The following HCN3 variants were observed in gnomAD, a reference collection of about 807,000 sequenced individuals.
HCN3 encodes the protein hyperpolarization activated cyclic nucleotide gated potassium channel 3.
A neutral mutation model predicts 56.8 loss-of-function variants in HCN3; 36 were observed. That is an observed-to-expected ratio of 0.63 (90% CI 0.49 to 0.84). HCN3 has a LOEUF of 0.84. Among genes scored for constraint, HCN3 ranks in the 40% least tolerant of loss-of-function variants. The probability of loss-of-function intolerance (pLI) is 0.00; values close to 1 mark genes in which losing one functional copy is unlikely to be tolerated. For synonymous variants in HCN3, 425 were observed against 439.7 expected (o/e 0.97, Z 0.42); for missense variants, 930 against 1,079.3 (o/e 0.86, Z 1.94).
Position 155,285,698 on chromosome 1 carries a change from GC to G in HCN3, c.1237-24del. On this transcript the variant is annotated intron_variant, in intron 5 of 7. Transcript: ENST00000368358. The surrounding 1 kb of genome is among the most constrained non-coding windows in gnomAD (Gnocchi z 4.5). ...TCATCTCAGGTCAGGGGCACAGCCTGCCTGACAGGCCCCTCCCCTGTCCAGG... is the reference window on the plus strand; with the variant it reads ...TCATCTCAGGTCAGGGGCACAGCCTGCTGACAGGCCCCTCCCCTGTCCAGG... 1 of 1,612,608 alleles carries G rather than the reference GC, an allele frequency of 6.2e-7. No individual in the cohort carries two copies. The highest frequency in any genetic ancestry group is 1.3e-5 in the African/African-American group (1 of 75,038).
chr1:155,284,872 C>A lies in HCN3; in HGVS notation c.1089+115C>A. The A allele has an allele frequency of 9.9e-7, 1 of 1,011,868 alleles. No homozygotes were observed. Among genetic ancestry groups the A allele is most frequent in the Non-Finnish European group, 1.4e-6 (1 of 690,400 alleles). 62.7% of individuals were successfully genotyped at this position (1,011,868 alleles called of 1,614,324 possible). ...GTTGCGTCTCTGTTTCCTTTCCTGCCCTGTGTCCATTTGTTCCCTGCCCCT... is the reference window on the plus strand; with the variant it reads ...GTTGCGTCTCTGTTTCCTTTCCTGCACTGTGTCCATTTGTTCCCTGCCCCT... On this transcript the variant is annotated intron_variant, in intron 4 of 7. Coordinates refer to ENST00000368358, the MANE Select transcript of HCN3 (RefSeq NM_020897.3). The surrounding 1 kb of genome is among the most constrained non-coding windows in gnomAD (Gnocchi z 4.3).
rs974336772 is a variant in HCN3, at chr1:155,284,343, C to G, written c.871-196C>G. On this transcript the variant is annotated intron_variant, in intron 3 of 7. Transcript: ENST00000368358. The surrounding 1 kb of genome is among the most constrained non-coding windows in gnomAD (Gnocchi z 4.3). ...AGCAGGCAAAGGAAGGGTACCTACC[C>G]GGAAGCTGAGGCCCCCAAGTTGCAA... 5 of 838,982 alleles carry G rather than the reference C, an allele frequency of 6.0e-6. No homozygotes were observed. The South Asian group carries it at 9.1e-5, about 15-fold the overall frequency. The allele number at this position is 838,982 out of a possible 1,614,324, so 52.0% of individuals were successfully genotyped here.
chr1:155,286,129 T>C (rs1349438012), intron 6 of HCN3, among the ~76,000 whole-genome samples, 165 bp downstream of exon 6: 1 of 152,044 alleles, frequency 6.6e-6, no homozygotes, highest in Non-Finnish European at 1.5e-5. Flanking sequence ...TGGAGCTCTA[T>C]AGTTTTTGTT....
Position 155,287,203 on chromosome 1 carries a change from C to A in HCN3, c.1508C>A (p.Thr503Lys). The change falls in exon 7 of 8, where the codon ACA (threonine) becomes AAA (lysine). Residue 503 changes from threonine (T) to lysine (K), a missense_variant. Coordinates refer to ENST00000368358, the MANE Select transcript of HCN3 (RefSeq NM_020897.3). ...TGCCTGCTAACTAGGGGCCGGCGCA[C>A]AGCCAGTGTTCGGGCTGACACCTAC... ...EICLLTRGRR[T>K]ASVRADTYCR... The A allele has an allele frequency of 6.2e-7, 1 of 1,613,914 alleles. No individual in the cohort carries two copies. The highest frequency in any genetic ancestry group is 8.5e-7 in the Non-Finnish European group (1 of 1,179,966).
Position 155,277,755 on chromosome 1 carries a change from T to C in HCN3, c.165T>C (p.Pro55=). 1.9e-6 allele frequency: 3 copies of C among 1,607,090 alleles called. No individual in the cohort carries two copies. Among genetic ancestry groups the C allele is most frequent in the Non-Finnish European group, 2.5e-6 (3 of 1,177,178 alleles). ...KRRHLGTLLQ[P]TVNKFSLRVF... ...GGCACCTTGGGACGCTGCTCCAGCC[T>C]ACGGTCAACAAGTTCTCCCTTCGGG... Residue 55 remains proline, a synonymous_variant, in exon 1 of 8, where the codon CCT becomes CCC. Transcript: ENST00000368358.
chr1:155,285,382 T>G lies in HCN3; in HGVS notation c.1236+71T>G. On this transcript the variant is annotated intron_variant, in intron 5 of 7. Coordinates refer to ENST00000368358, the MANE Select transcript of HCN3 (RefSeq NM_020897.3). This position sits in a 1 kb window ranked among gnomAD's most constrained non-coding sequence, Gnocchi z 4.5. ...AGTGCTGTCTGGTGGTAGGGGCTAT[T>G]GGTCAGCAGGTGCTCCTATAGGGAA... 3.2e-6 allele frequency: 5 copies of G among 1,571,698 alleles called. No homozygotes were observed. The highest frequency in any genetic ancestry group is 4.3e-6 in the Non-Finnish European group (5 of 1,155,512).
Position 155,289,359 on chromosome 1 carries a change from A to T in HCN3, c.*896A>T, listed in dbSNP as rs2148192937. The T allele has an allele frequency of 6.6e-6, 1 of 152,234 alleles. No individual in the cohort carries two copies. The highest frequency in any genetic ancestry group is 1.9e-4 in the East Asian group (1 of 5,184). The allele number at this position is 152,234 out of a possible 1,614,324, so 9.4% of individuals were successfully genotyped here. On this transcript the variant is annotated 3_prime_UTR_variant, in exon 8 of 8. Transcript: ENST00000368358. Reference sequence around the variant, plus strand: ...TGTTACCAATTAATTTTGTTTACCCATTCCTTTATCCATCCCTCCCCTCCT... The same window carrying T: ...TGTTACCAATTAATTTTGTTTACCCTTTCCTTTATCCATCCCTCCCCTCCT...
At chr1:155,281,285 G>A (rs1331067308) in intron 1 of HCN3, among the ~76,000 whole-genome samples, 1 of 150,754 alleles carries the variant, frequency 6.6e-6, no homozygotes, top group East Asian at 2.0e-4. Context: ...TGGCCAGGAT[G>A]GTCTCGAGCT....
In HCN3 at chr1:155,285,101, C is replaced by G; in HGVS notation, c.1090-64C>G. The G allele has an allele frequency of 6.3e-7, 1 of 1,580,470 alleles. No individual in the cohort carries two copies. The highest frequency in any genetic ancestry group is 8.6e-7 in the Non-Finnish European group (1 of 1,158,484). On this transcript the variant is annotated intron_variant, in intron 4 of 7. Coordinates refer to ENST00000368358, the MANE Select transcript of HCN3 (RefSeq NM_020897.3). The surrounding 1 kb of genome is among the most constrained non-coding windows in gnomAD (Gnocchi z 4.5). ...TCTCTGACCTTCCGCACACACACCC[C>G]ACTGTGCCGGCCCCAAATCTCTCCC...
rs1319521104 is a variant in HCN3, at chr1:155,287,991, C to A, written c.1853C>A (p.Ser618Tyr). The A allele has an allele frequency of 6.2e-7, 1 of 1,613,952 alleles. No homozygotes were observed. The highest frequency in any genetic ancestry group is 2.2e-5 in the East Asian group (1 of 44,856). The part of the protein sequence containing the change: ...HAPLQAAAVT[S>Y]NVAIALTHQR... ...CCCCTTCAGGCAGCTGCTGTGACCT[C>A]CAATGTGGCCATTGCCCTGACTCAT... The change falls in exon 8 of 8, where the codon TCC (serine) becomes TAC (tyrosine). Residue 618 changes from serine (S) to tyrosine (Y), a missense_variant. Ser to Tyr is a moderately radical substitution (Grantham distance 144). Coordinates refer to ENST00000368358, the MANE Select transcript of HCN3 (RefSeq NM_020897.3).
intron 1 of HCN3, among the ~76,000 whole-genome samples, chr1:155,281,780 G>T (rs542213537): frequency 6.6e-6 from 1 of 152,082 alleles, no homozygotes; most frequent in Admixed American, 6.5e-5. Flanking sequence ...GATTACAGGC[G>T]TGAGCCATAG....
intron 6 of HCN3, among the ~76,000 whole-genome samples, chr1:155,286,628 C>T (rs978192938): frequency 7.9e-5 from 12 of 152,150 alleles, no homozygotes; most frequent in Non-Finnish European, 1.5e-4. Flanking sequence ...TGCCTGGTGG[C>T]GTGTTTCAGG....
chr1:155,279,914 G>A (rs1206623197), intron 1 of HCN3, among the ~76,000 whole-genome samples: 6 of 151,904 alleles, frequency 3.9e-5, no homozygotes, highest in African/African-American at 1.4e-4. Flanking sequence ...GTAGATGGAA[G>A]AGTAATTTTA....
At chr1:155,278,141 G>A (rs1651821364) in intron 1 of HCN3, among the ~76,000 whole-genome samples, 1 of 152,156 alleles carries the variant, frequency 6.6e-6, no homozygotes, top group African/African-American at 2.4e-5. Context: ...CCTCTTTCAG[G>A]AACCCGGGAC....
Position 155,285,844 on chromosome 1 carries a change from G to A in HCN3, c.1357G>A (p.Asp453Asn), listed in dbSNP as rs1674262158. ...GCGCTTTGAGGTCTTCCAGCCGGGG[G>A]ATCTCGTGGTGCGTGAGGGCTCCGT... Reference protein sequence around the residue: ...KLRFEVFQPGDLVVREGSVGR... With the variant: ...KLRFEVFQPGNLVVREGSVGR... The change falls in exon 6 of 8, where the codon GAT becomes AAT. Residue 453 changes from aspartate (D) to asparagine (N), a missense_variant. Transcript: ENST00000368358. This position sits in a 1 kb window ranked among gnomAD's most constrained non-coding sequence, Gnocchi z 4.5. The A allele has an allele frequency of 1.9e-6, 3 of 1,614,262 alleles. No homozygotes were observed. The highest frequency in any genetic ancestry group is 4.5e-5 in the East Asian group (2 of 44,888).
In HCN3 at chr1:155,285,071, C is replaced by A; in HGVS notation, c.1090-94C>A. ...CACGTTTCACCCCTTTGAGTTTGACCTGTGTCTCTGACCTTCCGCACACAC... is the reference window on the plus strand; with the variant it reads ...CACGTTTCACCCCTTTGAGTTTGACATGTGTCTCTGACCTTCCGCACACAC... On this transcript the variant is annotated intron_variant, in intron 4 of 7. Coordinates refer to ENST00000368358, the MANE Select transcript of HCN3 (RefSeq NM_020897.3). This position sits in a 1 kb window ranked among gnomAD's most constrained non-coding sequence, Gnocchi z 4.5. The A allele has an allele frequency of 6.9e-7, 1 of 1,446,090 alleles. No homozygotes were observed. The highest frequency in any genetic ancestry group is 9.5e-7 in the Non-Finnish European group (1 of 1,053,096). 89.6% of individuals were successfully genotyped at this position (1,446,090 alleles called of 1,614,324 possible).
intron 6 of HCN3, 78 bp from the exon 7 acceptor site, chr1:155,287,095 G>T: frequency 6.5e-7 from 1 of 1,526,976 alleles, no homozygotes; most frequent in South Asian, 1.2e-5. Context: ...TAGAAAGTTG[G>T]GTCCACTGCT....
chr1:155,285,397 C>T lies in HCN3; in HGVS notation c.1236+86C>T. On this transcript the variant is annotated intron_variant, in intron 5 of 7. Coordinates refer to ENST00000368358, the MANE Select transcript of HCN3 (RefSeq NM_020897.3). This position sits in a 1 kb window ranked among gnomAD's most constrained non-coding sequence, Gnocchi z 4.5. The stretch of plus-strand genomic sequence containing the variant: ...TAGGGGCTATTGGTCAGCAGGTGCT[C>T]CTATAGGGAATGAGGCCTGCAGAGG... 6.5e-7 allele frequency: 1 copy of T among 1,530,522 alleles called. No homozygotes were observed. Among genetic ancestry groups the T allele is most frequent in the Non-Finnish European group, 8.8e-7 (1 of 1,130,480 alleles). 94.8% of individuals were successfully genotyped at this position (1,530,522 alleles called of 1,614,324 possible).
At position 155,288,376 on chromosome 1, in the gene HCN3, C is replaced by A. The variant is rs1245256430; in HGVS notation, c.2238C>A (p.Ala746=). 1 of 1,613,850 alleles carries A rather than the reference C, an allele frequency of 6.2e-7. No individual in the cohort carries two copies. Among genetic ancestry groups the A allele is most frequent in the African/African-American group, 1.3e-5 (1 of 75,034 alleles). ...GGCTGCCTCCCTCAGGGCTCCTGGC[C>A]AAACCTCCAAGGACAGCCCAGCCCC... The part of the protein sequence containing the change: ...SERLPPSGLL[A]KPPRTAQPPR... Residue 746 remains alanine (A), a synonymous_variant, in exon 8 of 8, where the codon GCC becomes GCA. Transcript: ENST00000368358. The surrounding 1 kb of genome is among the most constrained non-coding windows in gnomAD (Gnocchi z 6.5).
Sources: allele counts gnomAD v4.1 joint callset (sites outside exome capture counted in the v4.1 genomes callset), GRCh38; gene constraint gnomAD v4.1.1; non-coding constraint Gnocchi (gnomAD v3.1); transcripts MANE v1.5; gene names NCBI Gene and HGNC (gene_info 2026-07-23, HGNC 2026-07-21).